The following EDA variants were observed in gnomAD, a reference collection of about 807,000 sequenced individuals.
EDA encodes the protein ectodysplasin A, also known as ectodysplasin-A.
In EDA, 2 loss-of-function variants were observed where a neutral mutation model predicts 23.6. The ratio of observed to expected loss-of-function variants is 0.08; its 90% confidence interval spans 0.03 to 0.27. The LOEUF (loss-of-function observed/expected upper bound fraction) is 0.27. Ranked by LOEUF, EDA falls within the 10% of genes least tolerant of loss-of-function variation. The probability of loss-of-function intolerance (pLI) is 1.00; values close to 1 mark genes in which losing one functional copy is unlikely to be tolerated. For synonymous variants in EDA, 131 were observed against 132.0 expected (o/e 0.99, Z 0.05); for missense variants, 229 against 324.2 (o/e 0.71, Z 2.26).
chrX:69,863,491 GTATATATATATATACATATATA>G (rs1485675349), intron 1 of EDA, among the ~76,000 whole-genome samples: 1 of 93,445 alleles, frequency 1.1e-5, no homozygotes, highest in African/African-American at 3.9e-5. Flanking sequence ...GAAGAAAAGT[GTATATATATATATACATATATA>G]TGTATATATA....
chrX:69,957,198 A>G (rs1408292584), intron 2 of EDA, 66 bp downstream of exon 2: 1 of 1,055,391 alleles, frequency 9.5e-7, no homozygotes, highest in South Asian at 1.9e-5. Flanking sequence ...TCCTTTTAAG[A>G]ACTACCTTCT....
chrX:69,803,111 G>T (rs1293733369), intron 1 of EDA, among the ~76,000 whole-genome samples: 2 of 111,083 alleles, frequency 1.8e-5, no homozygotes, highest in Non-Finnish European at 3.8e-5. Flanking sequence ...ATTATGTACA[G>T]CTGATACAGA....
rs555472346 is a variant in EDA, at chrX:69,616,963, C to T, written c.396+259C>T. On this transcript the variant is annotated intron_variant, in intron 1 of 7. Coordinates refer to ENST00000374552, the MANE Select transcript of EDA (RefSeq NM_001399.5). ...CGCGGCCCCTGGCTGCGGGCTGCCT[C>T]GAGAAAAGTTGGCGACGCTCCCGTC... 1,878 of 429,920 alleles carry T rather than the reference C, an allele frequency of 4.4e-3. 5 individuals are homozygous for T. The highest frequency in any genetic ancestry group is 6.0e-3 in the Non-Finnish European group (1,460 of 243,672). The allele number at this position is 429,920 out of a possible 1,213,427, so 35.4% of individuals were successfully genotyped here. A position where few individuals can be genotyped will look rare whatever the true frequency, so the allele number is the denominator to read the frequency against.
At chrX:69,939,798 G>T (rs2018730262) in intron 1 of EDA, among the ~76,000 whole-genome samples, 1 of 111,887 alleles carries the variant, frequency 8.9e-6, no homozygotes, top group Non-Finnish European at 1.9e-5. Context: ...ATCATGAACA[G>T]ATGTTGAATT....
chrX:69,978,517 A>AATAAT (rs1556044159), intron 2 of EDA, among the ~76,000 whole-genome samples: 47 of 103,281 alleles, frequency 4.6e-4, no homozygotes, highest in South Asian at 4.0e-3. Context: ...AAAAAAAAAA[A>AATAAT]AAAGAAAGAA....
intron 1 of EDA, among the ~76,000 whole-genome samples, chrX:69,656,292 A>C (rs112732837): frequency 2.7e-5 from 3 of 111,404 alleles, no homozygotes; most frequent in African/African-American, 6.5e-5. Context: ...TACTACTGCC[A>C]GCACTCTAAG....
chrX:69,644,045 A>G (rs769813024), intron 1 of EDA, among the ~76,000 whole-genome samples: 1 of 111,503 alleles, frequency 9.0e-6, no homozygotes, highest in East Asian at 2.8e-4. Flanking sequence ...TGAGGCCTCC[A>G]GCTTTGTTCT....
chrX:69,678,569 A>G (rs1006123791), intron 1 of EDA, among the ~76,000 whole-genome samples: 1 of 110,008 alleles, frequency 9.1e-6, no homozygotes, highest in Non-Finnish European at 1.9e-5. Flanking sequence ...TAGGTATTTT[A>G]TTCTCTTTGT....
intron 1 of EDA, among the ~76,000 whole-genome samples, chrX:69,817,867 A>G (rs2016117002): frequency 8.9e-6 from 1 of 111,952 alleles, no homozygotes; most frequent in African/African-American, 3.2e-5. Flanking sequence ...CTCTAGATCA[A>G]GTGGACCTGA....
intron 1 of EDA, chrX:69,672,559 G>C (rs1383265594): frequency 8.9e-6 from 1 of 111,832 alleles, no homozygotes; most frequent in Non-Finnish European, 1.9e-5. Context: ...GTTAGTACTT[G>C]GATGGGAGAC....
intron 1 of EDA, among the ~76,000 whole-genome samples, chrX:69,904,108 G>T (rs1408274480): frequency 9.0e-6 from 1 of 111,442 alleles, no homozygotes; most frequent in Non-Finnish European, 1.9e-5. Context: ...ACCACCCCCG[G>T]CCACATGTGG....
chrX:69,786,853 T>G (rs1382958381), intron 1 of EDA, among the ~76,000 whole-genome samples: 48 of 109,767 alleles, frequency 4.4e-4, no homozygotes, highest in Admixed American at 4.2e-3. Flanking sequence ...CCTTGTTGAC[T>G]TTCTGTCTCA....
intron 1 of EDA, among the ~76,000 whole-genome samples, chrX:69,847,604 G>T (rs746064421): frequency 1.8e-5 from 2 of 111,893 alleles, no homozygotes; most frequent in Non-Finnish European, 3.8e-5. Context: ...ATGCCTTTGA[G>T]ATTCATCTAA....
chrX:69,894,544 A>T (rs993944638), intron 1 of EDA, among the ~76,000 whole-genome samples: 4 of 111,823 alleles, frequency 3.6e-5, no homozygotes, highest in African/African-American at 1.3e-4. Context: ...ATGAGCATGG[A>T]ATGTTTTTCC....
chrX:69,616,809 A>G, intron 1 of EDA, 105 bp downstream of exon 1: 27 of 1,065,406 alleles, frequency 2.5e-5, no homozygotes, highest in Non-Finnish European at 3.5e-5. Context: ...GAGCCAATTT[A>G]GAGGGCAGGA....
chrX:69,701,574 G>C (rs191270176), intron 1 of EDA, among the ~76,000 whole-genome samples: 1 of 111,650 alleles, frequency 9.0e-6, no homozygotes, highest in Non-Finnish European at 1.9e-5. Flanking sequence ...AGAAGGTCTT[G>C]TTGTAGGATT....
chrX:69,707,414 G>T (rs1251857931), intron 1 of EDA, among the ~76,000 whole-genome samples: 1 of 111,987 alleles, frequency 8.9e-6, no homozygotes, highest in Non-Finnish European at 1.9e-5. Flanking sequence ...CAAAGTGAGT[G>T]AGTTCATCAG....
intron 1 of EDA, among the ~76,000 whole-genome samples, chrX:69,649,415 G>C (rs1933030110): frequency 9.0e-6 from 1 of 111,514 alleles, no homozygotes; most frequent in South Asian, 3.8e-4. Flanking sequence ...ACTATCTGGG[G>C]ATTAGATACT....
intron 2 of EDA, among the ~76,000 whole-genome samples, chrX:70,011,031 G>A (rs5936819): frequency 0.33 from 35,972 of 110,223 alleles, 4,944 homozygotes; most frequent in African/African-American, 0.54. Context: ...TTTTCTATTT[G>A]TTGCCATTTT....
Sources: gnomAD v4.1 joint callset for allele counts (sites outside exome capture counted in the v4.1 genomes callset) on GRCh38, gnomAD v4.1.1 for gene constraint, MANE v1.5 for transcripts, NCBI Gene and HGNC (gene_info 2026-07-23, HGNC 2026-07-21) for gene names.